The following TMPRSS13 variants were observed in gnomAD, a reference collection of about 807,000 sequenced individuals.
The protein encoded by TMPRSS13 is transmembrane protease serine 13.
In TMPRSS13, 50 loss-of-function variants were observed where a neutral mutation model predicts 68.4. The observed-to-expected ratio is 0.73, with a 90% confidence interval of 0.58 to 0.93. TMPRSS13 has a LOEUF of 0.93. TMPRSS13 is among the 40% of genes least tolerant of loss of function. The pLI is 0.00. For missense variants in TMPRSS13, 615 were observed against 729.2 expected (o/e 0.84, Z 1.80); for synonymous variants, 267 against 285.8 (o/e 0.93, Z 0.66).
intron 1 of TMPRSS13, among the ~76,000 whole-genome samples, chr11:117,921,149 T>A (rs985573817): frequency 3.9e-5 from 6 of 152,248 alleles, no homozygotes; most frequent in African/African-American, 1.4e-4. Flanking sequence ...ATGCCCAAAT[T>A]CACACACCAG....
chr11:117,902,544 G>C (rs1167972456), intron 12 of TMPRSS13, among the ~76,000 whole-genome samples: 1 of 152,208 alleles, frequency 6.6e-6, no homozygotes, highest in African/African-American at 2.4e-5. Context: ...ACAGCTAAAG[G>C]CTGAAGGCCC....
chr11:117,903,616 C>T (rs768215561), intron 12 of TMPRSS13, 39 bp downstream of exon 12: 2 of 1,613,612 alleles, frequency 1.2e-6, no homozygotes, highest in Non-Finnish European at 8.5e-7. Flanking sequence ...AGGAAGTTCC[C>T]AGCCTGCTGG....
Position 117,922,730 on chromosome 11 carries a change from G to A in TMPRSS13, c.22-3892C>T, listed in dbSNP as rs1189041722. Among the ~76,000 whole-genome samples the A allele has an allele frequency of 6.6e-6, 1 of 152,238 alleles. No individual in the cohort carries two copies. The highest frequency in any genetic ancestry group is 1.5e-5 in the Non-Finnish European group (1 of 68,040). On this transcript the variant is annotated intron_variant, in intron 1 of 12. Coordinates refer to ENST00000524993, the MANE Select transcript of TMPRSS13 (RefSeq NM_001077263.3). This position sits in a 1 kb window ranked among gnomAD's most constrained non-coding sequence, Gnocchi z 4.2. ...CTGCTCAGGGGCAGGTGCACAGGGTGGAGCAGGGGAGTGTGGTCAACTCTG... is the reference window on the plus strand; with the variant it reads ...CTGCTCAGGGGCAGGTGCACAGGGTAGAGCAGGGGAGTGTGGTCAACTCTG...
At chr11:117,910,507 C>G (rs956996892) in intron 7 of TMPRSS13, 200 bp downstream of exon 7, 3 of 542,052 alleles carry the variant, frequency 5.5e-6, no homozygotes, top group Admixed American at 3.2e-5. Context: ...TGAGCCCCTA[C>G]CAGAGTCAGG....
chr11:117,902,103 C>T lies in TMPRSS13; in HGVS notation c.*136G>A. 2 of 875,418 alleles carry T rather than the reference C, an allele frequency of 2.3e-6. No homozygotes were observed. The highest frequency in any genetic ancestry group is 2.7e-5 in the East Asian group (1 of 37,646). 54.2% of individuals were successfully genotyped at this position (875,418 alleles called of 1,614,324 possible). On this transcript the variant is annotated 3_prime_UTR_variant, in exon 13 of 13. Coordinates refer to ENST00000524993, the MANE Select transcript of TMPRSS13 (RefSeq NM_001077263.3). ...ACACACACACACACACACACACACACAGAGGCAGCAGACAGTGGAGGTGGG... is the reference window on the plus strand; with the variant it reads ...ACACACACACACACACACACACACATAGAGGCAGCAGACAGTGGAGGTGGG...
Position 117,916,645 on chromosome 11 carries a change from C to T in TMPRSS13, c.556+525G>A, listed in dbSNP as rs556810281. 7.2e-5 allele frequency among the ~76,000 whole-genome samples: 11 copies of T among 152,304 alleles called. No homozygotes were observed. The South Asian group carries it at 2.3e-3, about 32-fold the overall frequency. ...GGGTATCTTTGCTGAAGAGAATGGGCCTGAACCCCTGAATGCTGAACACGT... is the reference window on the plus strand; with the variant it reads ...GGGTATCTTTGCTGAAGAGAATGGGTCTGAACCCCTGAATGCTGAACACGT... On this transcript the variant is annotated intron_variant, in intron 3 of 12. Coordinates refer to ENST00000524993, the MANE Select transcript of TMPRSS13 (RefSeq NM_001077263.3).
At chr11:117,907,532 C>T (rs2057475814) in intron 9 of TMPRSS13, 1 of 152,374 alleles carries the variant, frequency 6.6e-6, no homozygotes, top group Admixed American at 6.5e-5. Context: ...GCTGGACTAA[C>T]CAGAGAGTCC....
At position 117,904,041 on chromosome 11, in the gene TMPRSS13, T is replaced by C. The variant is rs2057437436; in HGVS notation, c.1442A>G (p.Asn481Ser). ...GTAACTGTCATAGACCAAGTAGTCA[T>C]TGCATTTCTTGAAGTCGATGAGATT... Reference protein sequence around the residue: ...QVNLIDFKKCNDYLVYDSYLT... With the variant: ...QVNLIDFKKCSDYLVYDSYLT... Residue 481 changes from asparagine (N) to serine (S), a missense_variant, in exon 11 of 13, where the codon AAT (asparagine) becomes AGT (serine). Transcript: ENST00000524993. 6.2e-7 allele frequency: 1 copy of C among 1,613,984 alleles called. No individual in the cohort carries two copies. The highest frequency in any genetic ancestry group is 2.2e-5 in the East Asian group (1 of 44,866).
At chr11:117,910,071 C>T (rs2057506728) in intron 7 of TMPRSS13, 103 bp from the exon 8 acceptor site, 6 of 1,435,994 alleles carry the variant, frequency 4.2e-6, no homozygotes, top group South Asian at 1.3e-5. Context: ...CCAGGACAGG[C>T]TCAGGCAGCC....
At chr11:117,917,913 C>T (rs2057594860) in intron 2 of TMPRSS13, among the ~76,000 whole-genome samples, 1 of 152,190 alleles carries the variant, frequency 6.6e-6, no homozygotes, top group Non-Finnish European at 1.5e-5. Context: ...ACCTCTCTGA[C>T]TCCCTAGTAG....
intron 1 of TMPRSS13, among the ~76,000 whole-genome samples, chr11:117,920,333 T>TTG (rs2057630555): frequency 6.6e-6 from 1 of 150,884 alleles, no homozygotes; most frequent in African/African-American, 2.4e-5. Flanking sequence ...GGGGTTTTGT[T>TTG]TGTTTGTTTG....
intron 1 of TMPRSS13, among the ~76,000 whole-genome samples, chr11:117,923,148 G>C (rs756617406): frequency 1.8e-4 from 28 of 152,332 alleles, no homozygotes; most frequent in Non-Finnish European, 3.7e-4. Context: ...GAGAGGTAGA[G>C]GCCCAAAACA....
intron 3 of TMPRSS13, 118 bp downstream of exon 3, chr11:117,917,052 A>G (rs1390535612): frequency 1.2e-6 from 1 of 839,730 alleles, no homozygotes; most frequent in Non-Finnish European, 1.9e-6. Context: ...CTCTCTGGAC[A>G]CAGTAGCCGG....
At chr11:117,903,929 G>A (rs748045023) in intron 11 of TMPRSS13, 30 bp downstream of exon 11, 1 of 1,606,464 alleles carries the variant, frequency 6.2e-7, no homozygotes, top group South Asian at 1.1e-5. Flanking sequence ...AGGGTGCTGG[G>A]ACCTGAGCCC....
chr11:117,917,789 G>C (rs890439478), intron 2 of TMPRSS13, among the ~76,000 whole-genome samples: 1 of 152,192 alleles, frequency 6.6e-6, no homozygotes, highest in Non-Finnish European at 1.5e-5. Flanking sequence ...ATCCAGGCCT[G>C]TGTGTATTGT....
chr11:117,904,031 C>A lies in TMPRSS13; in HGVS notation c.1452G>T (p.Leu484Phe). 6.2e-7 allele frequency: 1 copy of A among 1,613,922 alleles called. No individual in the cohort carries two copies. Among genetic ancestry groups the A allele is most frequent in the East Asian group, 2.2e-5 (1 of 44,878 alleles). The change falls in exon 11 of 13, where the codon TTG (leucine) becomes TTT (phenylalanine). Residue 484 changes from leucine to phenylalanine, a missense_variant. Transcript: ENST00000524993. ...LIDFKKCNDY[L>F]VYDSYLTPRM... is the part of the protein sequence containing the mutation. ...TTGGGGTAAGGTAACTGTCATAGAC[C>A]AAGTAGTCATTGCATTTCTTGAAGT... is the stretch of plus-strand genomic sequence containing the variant.
At chr11:117,918,383 T>G (rs375397980) in intron 2 of TMPRSS13, 26 bp downstream of exon 2, 2 of 1,607,288 alleles carry the variant, frequency 1.2e-6, no homozygotes, top group African/African-American at 1.3e-5. Flanking sequence ...CCATCTCTCG[T>G]GGCTTCCCTA....
At chr11:117,913,190 G>A (rs2057540537) in intron 5 of TMPRSS13, among the ~76,000 whole-genome samples, 1 of 152,186 alleles carries the variant, frequency 6.6e-6, no homozygotes, top group African/African-American at 2.4e-5. Flanking sequence ...GCGTGTCTGG[G>A]CTGAAAATCA....
intron 9 of TMPRSS13, among the ~76,000 whole-genome samples, chr11:117,907,238 G>A (rs11216615): frequency 0.92 from 139,415 of 151,894 alleles, 64,344 homozygotes; most frequent in Middle Eastern, 0.98. Context: ...GAGCGGCAGG[G>A]CAGGAGGTAG....
Sources: allele counts gnomAD v4.1 joint callset (sites outside exome capture counted in the v4.1 genomes callset), GRCh38; gene constraint gnomAD v4.1.1; non-coding constraint Gnocchi (gnomAD v3.1); transcripts MANE v1.5; gene names NCBI Gene and HGNC (gene_info 2026-07-23, HGNC 2026-07-21).